The following CDK14 variants were observed in gnomAD, a reference collection of about 807,000 sequenced individuals.
CDK14 encodes cyclin-dependent kinase 14.
Under a neutral mutation model 60.7 loss-of-function variants are expected in CDK14, and 34 were observed. That is an observed-to-expected ratio of 0.56 (90% CI 0.43 to 0.75). The LOEUF is 0.75. CDK14 is among the 30% of genes least tolerant of loss of function. The probability of loss-of-function intolerance (pLI) is 0.00; values close to 1 mark genes in which losing one functional copy is unlikely to be tolerated. For missense variants in CDK14, 482 were observed against 564.1 expected (o/e 0.85, Z 1.47); for synonymous variants, 197 against 203.7 (o/e 0.97, Z 0.28).
At chr7:91,157,172 G>A (rs1040713677) in intron 14 of CDK14, among the ~76,000 whole-genome samples, 2 of 152,216 alleles carry the variant, frequency 1.3e-5, no homozygotes, top group Non-Finnish European at 2.9e-5. Flanking sequence ...GAAAGAATGT[G>A]TGTATGAAAA....
chr7:90,754,765 C>T (rs1282009758), intron 4 of CDK14, among the ~76,000 whole-genome samples: 7 of 152,118 alleles, frequency 4.6e-5, no homozygotes, highest in Non-Finnish European at 7.4e-5. Flanking sequence ...CACAATTTAA[C>T]GAGCAATAAC....
At chr7:91,091,222 C>T (rs1397083104) in intron 12 of CDK14, among the ~76,000 whole-genome samples, 2 of 147,594 alleles carry the variant, frequency 1.4e-5, no homozygotes, top group Non-Finnish European at 3.0e-5. Context: ...ATGACAAGAC[C>T]CTATCTGTAA....
Position 91,066,265 on chromosome 7 carries a change from A to G in CDK14, c.1106-13167A>G, listed in dbSNP as rs184793866. Among the ~76,000 whole-genome samples the G allele has an allele frequency of 1.1e-3, 165 of 152,306 alleles. 2 individuals are homozygous for G. Among genetic ancestry groups the G allele is most frequent in the Admixed American group, 0.01 (158 of 15,304 alleles). On this transcript the variant is annotated intron_variant, in intron 11 of 14. Transcript: ENST00000380050. ...TAATGCTTGTTCCATGGTATTGTTT[A>G]TACTATATGATGTCAAAGCCATTTG... is the stretch of plus-strand genomic sequence containing the variant.
chr7:91,185,263 A>G (rs1445039893), intron 14 of CDK14, among the ~76,000 whole-genome samples: 2 of 151,432 alleles, frequency 1.3e-5, no homozygotes, highest in African/African-American at 4.9e-5. Context: ...TCTCTATCCA[A>G]TTCTACTAAT....
rs1799935298 is a variant in CDK14 at position 90,628,954 on chromosome 7, A to C, written c.123+24705A>C. Among the ~76,000 whole-genome samples the C allele has an allele frequency of 1.3e-5, 2 of 152,010 alleles. 1 individual carries two copies. Among genetic ancestry groups the C allele is most frequent in the South Asian group, 4.2e-4 (2 of 4,812 alleles). Reference sequence around the variant, plus strand: ...CAGGTAATGTTGATGACTCTGGTCCAGAGACCACGTAGAGATCTAGTATAT... The same window carrying C: ...CAGGTAATGTTGATGACTCTGGTCCCGAGACCACGTAGAGATCTAGTATAT... On this transcript the variant is annotated intron_variant, in intron 2 of 14. Coordinates refer to ENST00000380050, the MANE Select transcript of CDK14 (RefSeq NM_001287135.2).
chr7:90,596,449 G>C lies in CDK14; in HGVS notation c.-179G>C. 4.0e-6 allele frequency: 2 copies of C among 506,268 alleles called. No homozygotes were observed. The highest frequency in any genetic ancestry group is 7.0e-6 in the Non-Finnish European group (2 of 286,558). The allele number at this position is 506,268 out of a possible 1,614,324, so 31.4% of individuals were successfully genotyped here. ...CCCAGCTGCGGCCCAGGCCGGAGCG[G>C]AGCCTGCCGTCCTCCGCCTGCCTGC... On this transcript the variant is annotated 5_prime_UTR_variant, in exon 1 of 15. Transcript: ENST00000380050.
chr7:90,808,224 G>A (rs1788940700), intron 5 of CDK14, among the ~76,000 whole-genome samples: 1 of 152,138 alleles, frequency 6.6e-6, no homozygotes, highest in Non-Finnish European at 1.5e-5. Context: ...AGAAAGATTG[G>A]GTTACCCACA....
chr7:91,038,662 C>A (rs953721522), intron 10 of CDK14, among the ~76,000 whole-genome samples: 1 of 152,196 alleles, frequency 6.6e-6, no homozygotes, highest in African/African-American at 2.4e-5. Flanking sequence ...GGCCTTGTAT[C>A]CACACCTAAA....
chr7:91,083,446 G>T (rs533909305), intron 12 of CDK14, among the ~76,000 whole-genome samples: 1 of 152,096 alleles, frequency 6.6e-6, no homozygotes, highest in Non-Finnish European at 1.5e-5. Flanking sequence ...TCAATATGCA[G>T]ACAGTCCAAT....
intron 2 of CDK14, among the ~76,000 whole-genome samples, chr7:90,679,750 A>G (rs1000331765): frequency 1.3e-5 from 2 of 152,222 alleles, no homozygotes; most frequent in South Asian, 2.1e-4. Context: ...AAATCAATCA[A>G]TTTTTGCTGG....
intron 2 of CDK14, among the ~76,000 whole-genome samples, chr7:90,634,611 A>G (rs1467735913): frequency 6.6e-6 from 1 of 152,088 alleles, no homozygotes; most frequent in Non-Finnish European, 1.5e-5. Flanking sequence ...ATGTGTCTTT[A>G]TAGCAGCACG....
At chr7:91,170,056 C>A (rs992538608) in intron 14 of CDK14, among the ~76,000 whole-genome samples, 9 of 152,206 alleles carry the variant, frequency 5.9e-5, no homozygotes, top group Admixed American at 5.2e-4. Flanking sequence ...GTTGCATTGC[C>A]TCTGCTGAGC....
chr7:90,596,750 C>A, intron 1 of CDK14, 32 bp downstream of exon 1: 1 of 1,558,562 alleles, frequency 6.4e-7, no homozygotes, highest in Non-Finnish European at 8.8e-7. Context: ...GCCCCCCCAG[C>A]GCCCGCTCCC....
intron 10 of CDK14, among the ~76,000 whole-genome samples, chr7:91,029,864 A>G (rs1428296871): frequency 6.6e-6 from 1 of 152,296 alleles, no homozygotes; most frequent in East Asian, 1.9e-4. Context: ...ACAAAAAAAC[A>G]TAGTTTGACT....
At chr7:90,915,175 G>A (rs1463200479) in intron 7 of CDK14, among the ~76,000 whole-genome samples, 4 of 152,092 alleles carry the variant, frequency 2.6e-5, no homozygotes, top group South Asian at 2.1e-4. Context: ...AATAGCTCAC[G>A]CCTGTAATCC....
intron 3 of CDK14, among the ~76,000 whole-genome samples, chr7:90,738,219 T>G (rs1562745716): frequency 6.6e-6 from 1 of 152,214 alleles, no homozygotes; most frequent in Non-Finnish European, 1.5e-5. Flanking sequence ...GGATTTTAGA[T>G]GAGTTACTTT....
chr7:90,890,805 T>C (rs1406763477), intron 6 of CDK14, among the ~76,000 whole-genome samples: 2 of 152,204 alleles, frequency 1.3e-5, no homozygotes, highest in Non-Finnish European at 2.9e-5. Context: ...GGGTTCAGCT[T>C]CTGTAAGTTT....
intron 6 of CDK14, among the ~76,000 whole-genome samples, chr7:90,869,183 G>A (rs1017528318): frequency 3.3e-5 from 5 of 152,178 alleles, no homozygotes; most frequent in African/African-American, 1.2e-4. Flanking sequence ...AGCAGTCCTT[G>A]AGCAATTGAA....
intron 14 of CDK14, among the ~76,000 whole-genome samples, chr7:91,203,079 G>A (rs1802780144): frequency 1.3e-5 from 2 of 152,058 alleles, no homozygotes; most frequent in South Asian, 4.2e-4. Context: ...GAAATTAGAT[G>A]TACTGGAAAT....
Sources: gnomAD v4.1 joint callset for allele counts (sites outside exome capture counted in the v4.1 genomes callset) on GRCh38, gnomAD v4.1.1 for gene constraint, MANE v1.5 for transcripts, NCBI Gene and HGNC (gene_info 2026-07-23, HGNC 2026-07-21) for gene names.